The following UNC5D variants were observed in gnomAD, a reference collection of about 807,000 sequenced individuals.
UNC5D encodes the protein netrin receptor UNC5D.
UNC5D carries 39 observed loss-of-function variants against 105.4 expected under a neutral mutation model. The observed-to-expected ratio is 0.37, with a 90% CI of 0.29 to 0.48. UNC5D has a LOEUF of 0.48. Among genes scored for constraint, UNC5D ranks in the 20% least tolerant of loss-of-function variants. UNC5D has a pLI of 0.98. For synonymous variants in UNC5D, 452 were observed against 450.4 expected (o/e 1.00, Z -0.04); for missense variants, 991 against 1,202.4 (o/e 0.82, Z 2.60).
At chr8:35,615,902 T>A (rs1246946416) in intron 4 of UNC5D, among the ~76,000 whole-genome samples, 1 of 152,162 alleles carries the variant, frequency 6.6e-6, no homozygotes, top group Non-Finnish European at 1.5e-5. Context: ...AAGTTGAATA[T>A]CACTTTACAA....
chr8:35,696,552 C>A (rs1032384878), intron 7 of UNC5D, among the ~76,000 whole-genome samples: 1 of 151,984 alleles, frequency 6.6e-6, no homozygotes. Context: ...GTGGCAAGAA[C>A]CCAATCAGGG....
At chr8:35,570,511 G>A (rs1243741264) in intron 3 of UNC5D, among the ~76,000 whole-genome samples, 3 of 152,118 alleles carry the variant, frequency 2.0e-5, no homozygotes, top group African/African-American at 7.2e-5. Flanking sequence ...TCATTTGCAG[G>A]TGTCTTAATC....
chr8:35,750,579 C>T lies in UNC5D; in HGVS notation c.1936-3C>T, dbSNP rs764072609. 4 of 1,613,824 alleles carry T rather than the reference C, an allele frequency of 2.5e-6. No individual in the cohort carries two copies. In the Admixed American group the frequency reaches 5.0e-5, roughly 20 times the overall value. ...GAGAGAATAAACATACCTTTCCCAA[C>T]AGGAAGTGATGTCAGTGGAAGATGA... On this transcript the variant is annotated splice_polypyrimidine_tract_variant and splice_region_variant and intron_variant, in intron 12 of 16. Coordinates refer to ENST00000404895, the MANE Select transcript of UNC5D (RefSeq NM_080872.4).
intron 1 of UNC5D, among the ~76,000 whole-genome samples, chr8:35,285,226 T>C (rs553156525): frequency 5.4e-4 from 83 of 152,338 alleles, no homozygotes; most frequent in Admixed American, 1.0e-3. Flanking sequence ...GTTAGACTCA[T>C]GGATGAGGAA....
At chr8:35,529,420 G>A (rs1453533523) in intron 1 of UNC5D, among the ~76,000 whole-genome samples, 22 of 149,388 alleles carry the variant, frequency 1.5e-4, no homozygotes, top group Non-Finnish European at 2.7e-4. Context: ...CTCTGTTTTG[G>A]TACCAGTACT....
At chr8:35,715,020 G>T (rs1468798933) in intron 8 of UNC5D, among the ~76,000 whole-genome samples, 1 of 152,136 alleles carries the variant, frequency 6.6e-6, no homozygotes, top group African/African-American at 2.4e-5. Context: ...GTGTGGTGGC[G>T]CATGCCTGTA....
At chr8:35,294,777 C>A (rs1303497153) in intron 1 of UNC5D, among the ~76,000 whole-genome samples, 1 of 150,466 alleles carries the variant, frequency 6.6e-6, no homozygotes, top group Non-Finnish European at 1.5e-5. Flanking sequence ...CTGGAGACCT[C>A]AATCTACGGT....
intron 16 of UNC5D, among the ~76,000 whole-genome samples, chr8:35,781,577 TAAC>T (rs1255580023): frequency 1.3e-5 from 2 of 152,172 alleles, no homozygotes; most frequent in African/African-American, 4.8e-5. Flanking sequence ...TGAAAAAAGT[TAAC>T]AATGTCAGTA....
intron 1 of UNC5D, among the ~76,000 whole-genome samples, chr8:35,439,147 A>T (rs537553953): frequency 6.8e-4 from 103 of 152,044 alleles, no homozygotes; most frequent in African/African-American, 2.4e-3. Context: ...TGCCTTACAG[A>T]CTGAAAAGTA....
chr8:35,540,585 C>A (rs1815207683), intron 1 of UNC5D, among the ~76,000 whole-genome samples: 1 of 151,738 alleles, frequency 6.6e-6, no homozygotes, highest in African/African-American at 2.4e-5. Flanking sequence ...AGAAAAATAC[C>A]TGGACTAAAT....
At chr8:35,774,220 G>T in intron 15 of UNC5D, 79 bp from the exon 16 acceptor site, 1 of 1,550,284 alleles carries the variant, frequency 6.5e-7, no homozygotes, top group Non-Finnish European at 8.8e-7. Flanking sequence ...TGTTAACCCA[G>T]ATTTTCTTAA....
intron 2 of UNC5D, among the ~76,000 whole-genome samples, chr8:35,555,311 G>A (rs571412717): frequency 6.6e-5 from 10 of 152,258 alleles, no homozygotes; most frequent in Middle Eastern, 3.4e-3. Flanking sequence ...ACATAAACTG[G>A]TAGAGTATGA....
chr8:35,266,233 A>G (rs1021359906), intron 1 of UNC5D, among the ~76,000 whole-genome samples: 2 of 152,214 alleles, frequency 1.3e-5, no homozygotes, highest in African/African-American at 4.8e-5. Flanking sequence ...AATTATCCAC[A>G]TACCACTGGA....
chr8:35,765,326 T>C lies in UNC5D; in HGVS notation c.2314-1576T>C, dbSNP rs144946320. Among the ~76,000 whole-genome samples, 552 of 152,262 alleles carry C rather than the reference T, an allele frequency of 3.6e-3. 1 individual carries two copies. The highest frequency in any genetic ancestry group is 0.01 in the Middle Eastern group (3 of 294). On this transcript the variant is annotated intron_variant, in intron 14 of 16. Coordinates refer to ENST00000404895, the MANE Select transcript of UNC5D (RefSeq NM_080872.4). ...GAACAGAGAATGGCAAAGATAGAGTTCCATACTAACAGCCCACTTCTTGCA... is the reference window on the plus strand; with the variant it reads ...GAACAGAGAATGGCAAAGATAGAGTCCCATACTAACAGCCCACTTCTTGCA...
At chr8:35,330,916 AT>A (rs1810574963) in intron 1 of UNC5D, among the ~76,000 whole-genome samples, 2 of 152,168 alleles carry the variant, frequency 1.3e-5, no homozygotes, top group Admixed American at 6.5e-5. Flanking sequence ...ACTGTAAAGT[AT>A]TTGGCCCCAG....
chr8:35,708,111 C>A (rs985631494), intron 8 of UNC5D, among the ~76,000 whole-genome samples: 2 of 152,110 alleles, frequency 1.3e-5, no homozygotes, highest in East Asian at 1.9e-4. Flanking sequence ...AATTGAGAAA[C>A]AACCTGTGCC....
intron 1 of UNC5D, among the ~76,000 whole-genome samples, chr8:35,366,211 G>A (rs1189849604): frequency 6.6e-6 from 1 of 152,010 alleles, no homozygotes; most frequent in African/African-American, 2.4e-5. Flanking sequence ...GTCTTGGAGT[G>A]TTTGAGGGCA....
chr8:35,249,284 G>A (rs188965457), intron 1 of UNC5D, among the ~76,000 whole-genome samples: 21 of 149,832 alleles, frequency 1.4e-4, no homozygotes, highest in East Asian at 2.0e-4. Flanking sequence ...GTGGCCAGGC[G>A]TGGTGGCTCA....
At chr8:35,549,542 G>T (rs1436540447) in intron 2 of UNC5D, 32 bp downstream of exon 2, 3 of 1,593,462 alleles carry the variant, frequency 1.9e-6, no homozygotes, top group Non-Finnish European at 2.6e-6. Flanking sequence ...AAGCAGCTGT[G>T]GTGACTCTTT....
Sources: gnomAD v4.1 joint callset for allele counts (sites outside exome capture counted in the v4.1 genomes callset) on GRCh38, gnomAD v4.1.1 for gene constraint, MANE v1.5 for transcripts, NCBI Gene and HGNC (gene_info 2026-07-23, HGNC 2026-07-21) for gene names.